CACNG1: variants seen among roughly 807,000 people sequenced by gnomAD.
The protein encoded by CACNG1 is voltage-dependent calcium channel gamma-1 subunit.
CACNG1 carries 21 observed loss-of-function variants against 22.0 expected under a neutral mutation model. That is an observed-to-expected ratio of 0.95 (90% confidence interval 0.68 to 1.37). CACNG1 has a LOEUF of 1.37. Among genes scored for constraint, CACNG1 ranks in the 40% most tolerant of loss-of-function variants. The pLI is 0.00. For synonymous variants in CACNG1, 127 were observed against 129.2 expected, an observed-to-expected ratio of 0.98 and a Z score of 0.12; for missense variants, 291 against 308.6, an observed-to-expected ratio of 0.94 and a Z score of 0.43.
At position 67,056,556 on chromosome 17, in the gene CACNG1, G is replaced by A. The variant is rs966522595; in HGVS notation, c.*285G>A. The A allele has an allele frequency of 1.0e-5, 5 of 502,296 alleles. No homozygotes were observed. Among genetic ancestry groups the A allele is most frequent in the African/African-American group, 5.8e-5 (3 of 52,090 alleles). 31.1% of individuals were successfully genotyped at this position (502,296 alleles called of 1,614,324 possible). On this transcript the variant is annotated 3_prime_UTR_variant, in exon 4 of 4. Coordinates refer to ENST00000226021, the MANE Select transcript of CACNG1 (RefSeq NM_000727.4). The surrounding 1 kb of genome is among the most constrained non-coding windows in gnomAD (Gnocchi z 4.3). Reference sequence around the variant, plus strand: ...GCCCAACTTCCCCTGGAGCTCAGAGGTGTCCCCACTGTACCAGCCTCTGAT... The same window carrying A: ...GCCCAACTTCCCCTGGAGCTCAGAGATGTCCCCACTGTACCAGCCTCTGAT...
chr17:67,056,463 A>G lies in CACNG1; in HGVS notation c.*192A>G. On this transcript the variant is annotated 3_prime_UTR_variant, in exon 4 of 4. Transcript: ENST00000226021. The surrounding 1 kb of genome is among the most constrained non-coding windows in gnomAD (Gnocchi z 4.3). Reference sequence around the variant, plus strand: ...CGCAGGCTCCCCTGGGAATAGAGCAAGACGTGAGTCCTAACCTGGCCACAG... The same window carrying G: ...CGCAGGCTCCCCTGGGAATAGAGCAGGACGTGAGTCCTAACCTGGCCACAG... 1 of 602,830 alleles carries G rather than the reference A, an allele frequency of 1.7e-6. No homozygotes were observed. Among genetic ancestry groups the G allele is most frequent in the Non-Finnish European group, 2.9e-6 (1 of 340,098 alleles). 37.3% of individuals were successfully genotyped at this position (602,830 alleles called of 1,614,324 possible). A position where few individuals can be genotyped will look rare whatever the true frequency, so the allele number is the denominator to read the frequency against.
intron 1 of CACNG1, among the ~76,000 whole-genome samples, chr17:67,046,852 G>T (rs192431283): frequency 3.1e-4 from 47 of 152,332 alleles, no homozygotes; most frequent in African/African-American, 1.1e-3. Flanking sequence ...ATTGCAGGGG[G>T]CCAACAGGCA....
In CACNG1 at chr17:67,044,909, TC is replaced by T. The variant is rs2035687147; in HGVS notation, c.229+23del. On this transcript the variant is annotated intron_variant, in intron 1 of 3. Transcript: ENST00000226021. This position sits in a 1 kb window ranked among gnomAD's most constrained non-coding sequence, Gnocchi z 6.9. The stretch of plus-strand genomic sequence containing the variant: ...CCGGGGGTAACGTACCCACCCTCCG[TC>T]CCGATCCCCACCTCCTGCTCTTCCC... 1 of 1,583,470 alleles carries T rather than the reference TC, an allele frequency of 6.3e-7. No homozygotes were observed. Among genetic ancestry groups the T allele is most frequent in the Non-Finnish European group, 8.6e-7 (1 of 1,157,474 alleles).
intron 1 of CACNG1, 102 bp from the exon 2 acceptor site, chr17:67,053,894 G>A (rs1242585367): frequency 3.7e-6 from 3 of 807,720 alleles, no homozygotes; most frequent in South Asian, 1.4e-5. Flanking sequence ...GGCTGCCAGA[G>A]CCCCCTGCAT....
rs901163936 is a variant in CACNG1, at chr17:67,055,775, A to G, written c.443-270A>G. 3.9e-5 allele frequency among the ~76,000 whole-genome samples: 6 copies of G among 152,092 alleles called. No homozygotes were observed. Among genetic ancestry groups the G allele is most frequent in the Non-Finnish European group, 8.8e-5 (6 of 68,002 alleles). ...GGCTGGTCTCAAACTCCTGGCCTCA[A>G]GCGATCCTCCTGCCTCAGCCTCCCA... On this transcript the variant is annotated intron_variant, in intron 3 of 3. Coordinates refer to ENST00000226021, the MANE Select transcript of CACNG1 (RefSeq NM_000727.4). This position sits in a 1 kb window ranked among gnomAD's most constrained non-coding sequence, Gnocchi z 4.5.
At chr17:67,050,234 G>T (rs2035720750) in intron 1 of CACNG1, among the ~76,000 whole-genome samples, 2 of 152,214 alleles carry the variant, frequency 1.3e-5, no homozygotes, top group African/African-American at 4.8e-5. Context: ...TGATACTACT[G>T]ACCCCAGGAA....
At position 67,056,372 on chromosome 17, in the gene CACNG1, C is replaced by A; in HGVS notation, c.*101C>A. On this transcript the variant is annotated 3_prime_UTR_variant, in exon 4 of 4. Coordinates refer to ENST00000226021, the MANE Select transcript of CACNG1 (RefSeq NM_000727.4). The surrounding 1 kb of genome is among the most constrained non-coding windows in gnomAD (Gnocchi z 4.3). ...AGGCGGGAGCAATTTTAGCCCCACC[C>A]TGCTCCCATCTGCCCCCCTGCAACA... is the stretch of plus-strand genomic sequence containing the variant. 1 of 918,542 alleles carries A rather than the reference C, an allele frequency of 1.1e-6. No individual in the cohort carries two copies. The allele number at this position is 918,542 out of a possible 1,614,324, so 56.9% of individuals were successfully genotyped here.
intron 1 of CACNG1, among the ~76,000 whole-genome samples, chr17:67,050,237 C>T (rs2035720770): frequency 6.6e-6 from 1 of 152,242 alleles, no homozygotes; most frequent in Non-Finnish European, 1.5e-5. Flanking sequence ...TACTACTGAC[C>T]CCAGGAATTT....
intron 1 of CACNG1, among the ~76,000 whole-genome samples, chr17:67,051,850 T>G (rs1357537738): frequency 6.6e-6 from 1 of 152,178 alleles, no homozygotes; most frequent in Non-Finnish European, 1.5e-5. Context: ...ACCCACCAGG[T>G]GCAAACAGCT....
rs1210799951 is a variant in CACNG1, at chr17:67,052,727, C to T, written c.230-1269C>T. Among the ~76,000 whole-genome samples, 4 of 151,018 alleles carry T rather than the reference C, an allele frequency of 2.6e-5. No homozygotes were observed. The South Asian group carries it at 6.3e-4, about 24-fold the overall frequency. On this transcript the variant is annotated intron_variant, in intron 1 of 3. Transcript: ENST00000226021. ...ATAAAATAACCCATTCATCCACTTC[C>T]TAAATCAAGAGCAAAGAAGATAAAC...
chr17:67,046,661 G>A (rs2035699136), intron 1 of CACNG1, among the ~76,000 whole-genome samples: 1 of 151,742 alleles, frequency 6.6e-6, no homozygotes, highest in African/African-American at 2.4e-5. Flanking sequence ...CCCCTGGGCA[G>A]GGCAGGGCAG....
Position 67,044,961 on chromosome 17 carries a change from T to A in CACNG1, c.229+72T>A, listed in dbSNP as rs113379399. ...CGTCATCCCCCTGGCAAAGTTGCCC[T>A]TGCGAAGGAAGGCAGGTTTCTCTGC... On this transcript the variant is annotated intron_variant, in intron 1 of 3. Transcript: ENST00000226021. The surrounding 1 kb of genome is among the most constrained non-coding windows in gnomAD (Gnocchi z 6.9). The A allele has an allele frequency of 0.027, 34,695 of 1,288,770 alleles. 1,312 individuals are homozygous for A. The highest frequency in any genetic ancestry group is 0.17 in the African/African-American group (11,390 of 68,382). 79.8% of individuals were successfully genotyped at this position (1,288,770 alleles called of 1,614,324 possible). A position where few individuals can be genotyped will look rare whatever the true frequency, so the allele number is the denominator to read the frequency against.
In CACNG1 at chr17:67,056,570, C is replaced by G. The variant is rs954181099; in HGVS notation, c.*299C>G. 2.2e-6 allele frequency: 1 copy of G among 450,574 alleles called. No homozygotes were observed. Among genetic ancestry groups the G allele is most frequent in the African/African-American group, 2.0e-5 (1 of 51,040 alleles). The allele number at this position is 450,574 out of a possible 1,614,324, so 27.9% of individuals were successfully genotyped here. On this transcript the variant is annotated 3_prime_UTR_variant, in exon 4 of 4. Transcript: ENST00000226021. This position sits in a 1 kb window ranked among gnomAD's most constrained non-coding sequence, Gnocchi z 4.3. ...GGAGCTCAGAGGTGTCCCCACTGTA[C>G]CAGCCTCTGATAAGCTGCCTCCAGT...
Position 67,056,430 on chromosome 17 carries a change from T to C in CACNG1, c.*159T>C, listed in dbSNP as rs2035762804. 3.1e-6 allele frequency: 2 copies of C among 642,610 alleles called. No homozygotes were observed. Among genetic ancestry groups the C allele is most frequent in the Non-Finnish European group, 5.4e-6 (2 of 373,314 alleles). The allele number at this position is 642,610 out of a possible 1,614,324, so 39.8% of individuals were successfully genotyped here. A position where few individuals can be genotyped will look rare whatever the true frequency, so the allele number is the denominator to read the frequency against. On this transcript the variant is annotated 3_prime_UTR_variant, in exon 4 of 4. Transcript: ENST00000226021. The surrounding 1 kb of genome is among the most constrained non-coding windows in gnomAD (Gnocchi z 4.3). ...GCTGCTTCCTCTCTCTGAGTTCCTC[T>C]GGGCTGCCGCAGGCTCCCCTGGGAA...
Position 67,055,007 on chromosome 17 carries a change from T to A in CACNG1, c.305-96T>A. The A allele has an allele frequency of 7.8e-7, 1 of 1,283,122 alleles. No individual in the cohort carries two copies. Among genetic ancestry groups the A allele is most frequent in the East Asian group, 2.4e-5 (1 of 41,776 alleles). 79.5% of individuals were successfully genotyped at this position (1,283,122 alleles called of 1,614,324 possible). A position where few individuals can be genotyped will look rare whatever the true frequency, so the allele number is the denominator to read the frequency against. On this transcript the variant is annotated intron_variant, in intron 2 of 3. Transcript: ENST00000226021. This position sits in a 1 kb window ranked among gnomAD's most constrained non-coding sequence, Gnocchi z 4.5. The stretch of plus-strand genomic sequence containing the variant: ...CACACACAATGACACACACAGACAC[T>A]GACACACACACTGTGGTGCATGGTG...
chr17:67,053,914 A>G, intron 1 of CACNG1, 82 bp from the exon 2 acceptor site: 1 of 998,084 alleles, frequency 1.0e-6, no homozygotes, highest in South Asian at 1.3e-5. Flanking sequence ...TGCCGAGCAG[A>G]ATGACACCAC....
Position 67,053,170 on chromosome 17 carries a change from G to C in CACNG1, c.230-826G>C, listed in dbSNP as rs548139547. 7.2e-5 allele frequency among the ~76,000 whole-genome samples: 11 copies of C among 152,152 alleles called. No individual in the cohort carries two copies. The East Asian group carries it at 1.5e-3, about 21-fold the overall frequency. On this transcript the variant is annotated intron_variant, in intron 1 of 3. Transcript: ENST00000226021. ...GGGCAGGTCTCATCTGGGCTGTCTCGCAAAGACCAGGGACCCAGTGAAACC... is the reference window on the plus strand; with the variant it reads ...GGGCAGGTCTCATCTGGGCTGTCTCCCAAAGACCAGGGACCCAGTGAAACC...
intron 1 of CACNG1, among the ~76,000 whole-genome samples, chr17:67,049,343 G>C (rs181213448): frequency 1.0e-3 from 159 of 152,278 alleles, no homozygotes; most frequent in African/African-American, 3.8e-3. Context: ...TACAGATAAA[G>C]AAAATCAACC....
rs186487529 is a variant in CACNG1 at position 67,045,773 on chromosome 17, T to C, written c.229+884T>C. On this transcript the variant is annotated intron_variant, in intron 1 of 3. Coordinates refer to ENST00000226021, the MANE Select transcript of CACNG1 (RefSeq NM_000727.4). ...CCTGACCTCAGGTGATCCACCTGCC[T>C]TGGCCTCCCAGAGTGCTGGGATTAC... 9.3e-4 allele frequency among the ~76,000 whole-genome samples: 142 copies of C among 152,256 alleles called. 1 individual carries two copies. Among genetic ancestry groups the C allele is most frequent in the African/African-American group, 3.2e-3 (133 of 41,544 alleles).
Sources: gnomAD v4.1 joint callset for allele counts (sites outside exome capture counted in the v4.1 genomes callset) on GRCh38, gnomAD v4.1.1 for gene constraint, Gnocchi (gnomAD v3.1) non-coding constraint, MANE v1.5 for transcripts, NCBI Gene and HGNC (gene_info 2026-07-23, HGNC 2026-07-21) for gene names.